The following ANKRD44 variants were observed in gnomAD, a reference collection of about 807,000 sequenced individuals.
ANKRD44 encodes ankyrin repeat domain 44, also known as serine/threonine-protein phosphatase 6 regulatory ankyrin repeat subunit B.
ANKRD44 carries 35 observed loss-of-function variants against 116.0 expected under a neutral mutation model. The observed-to-expected ratio is 0.30, with a 90% CI of 0.23 to 0.40. ANKRD44 has a LOEUF of 0.40. ANKRD44 is among the 10% of genes least tolerant of loss of function. The pLI is 1.00. For missense variants in ANKRD44, 1,014 were observed against 1,242.6 expected (o/e 0.82, Z 2.77); for synonymous variants, 435 against 461.8 (o/e 0.94, Z 0.74).
At chr2:197,086,788 C>A in intron 12 of ANKRD44, 40 bp from the exon 13 acceptor site, 1 of 1,579,136 alleles carries the variant, frequency 6.3e-7, no homozygotes, top group Non-Finnish European at 8.7e-7. Flanking sequence ...TGGAAGAGAT[C>A]AATTACTGGC....
At chr2:197,007,995 C>T (rs1205809106) in intron 19 of ANKRD44, 72 bp from the exon 20 acceptor site, 30 of 878,268 alleles carry the variant, frequency 3.4e-5, no homozygotes, top group Admixed American at 1.8e-4. Context: ...AGTAGGAAGA[C>T]ATTCTCTTTC....
In ANKRD44 at chr2:197,074,969, C is replaced by G. The variant is rs143722910; in HGVS notation, c.1650+3734G>C. ...TTTCTTCAGAGAATCCCAGAAGCTC[C>G]TAGAATATGTAAGTAGGGGCATTTG... On this transcript the variant is annotated intron_variant, in intron 16 of 27. Coordinates refer to ENST00000282272, the MANE Select transcript of ANKRD44 (RefSeq NM_001195144.2). Among the ~76,000 whole-genome samples the G allele has an allele frequency of 8.5e-3, 1,296 of 152,212 alleles. 17 individuals carry two copies. Among genetic ancestry groups the G allele is most frequent in the African/African-American group, 0.03 (1,253 of 41,526 alleles).
chr2:197,004,739 C>A (rs2076172909), intron 21 of ANKRD44, among the ~76,000 whole-genome samples: 2 of 151,950 alleles, frequency 1.3e-5, no homozygotes, highest in Non-Finnish European at 2.9e-5. Flanking sequence ...TACACAAACC[C>A]CCTTACTCAA....
At chr2:197,075,506 G>A (rs974009397) in intron 16 of ANKRD44, among the ~76,000 whole-genome samples, 4 of 152,166 alleles carry the variant, frequency 2.6e-5, no homozygotes, top group Non-Finnish European at 5.9e-5. Flanking sequence ...ATGTTTGTGG[G>A]CAGATTTTTG....
chr2:197,278,428 C>T lies in ANKRD44; in HGVS notation c.27+32150G>A, dbSNP rs565678025. Among the ~76,000 whole-genome samples the T allele has an allele frequency of 2.2e-4, 33 of 151,324 alleles. No homozygotes were observed. The South Asian group carries it at 3.3e-3, about 15-fold the overall frequency. ...CTGGAGTGCAGTGGTGTGATCTCGG[C>T]TCACTGCAACCTCCACCTCCCGGGT... On this transcript the variant is annotated intron_variant, in intron 1 of 27. Coordinates refer to ENST00000282272, the MANE Select transcript of ANKRD44 (RefSeq NM_001195144.2).
chr2:197,074,097 T>C (rs1055136474), intron 16 of ANKRD44, among the ~76,000 whole-genome samples: 4 of 152,228 alleles, frequency 2.6e-5, no homozygotes, highest in African/African-American at 9.6e-5. Context: ...TCTGAGAGGA[T>C]GCCAGTGGTA....
At chr2:197,179,757 A>G (rs2080457789) in intron 2 of ANKRD44, among the ~76,000 whole-genome samples, 1 of 152,204 alleles carries the variant, frequency 6.6e-6, no homozygotes, top group African/African-American at 2.4e-5. Flanking sequence ...AGCATCCTCC[A>G]TAGGATAATT....
intron 16 of ANKRD44, among the ~76,000 whole-genome samples, chr2:197,050,708 C>A (rs2077091100): frequency 1.3e-5 from 2 of 152,108 alleles, no homozygotes; most frequent in South Asian, 4.1e-4. Context: ...CAGGTGTGAG[C>A]CATCACGCCT....
intron 8 of ANKRD44, among the ~76,000 whole-genome samples, chr2:197,120,952 C>T (rs1337012889): frequency 4.1e-5 from 6 of 145,174 alleles, no homozygotes; most frequent in Non-Finnish European, 6.0e-5. Context: ...GTTTTTGAGA[C>T]GGAGTCTTGC....
intron 2 of ANKRD44, among the ~76,000 whole-genome samples, chr2:197,167,264 T>C (rs1261806099): frequency 6.6e-6 from 1 of 152,198 alleles, no homozygotes; most frequent in Non-Finnish European, 1.5e-5. Context: ...TTTTTATTCT[T>C]TCATAAACTT....
intron 9 of ANKRD44, among the ~76,000 whole-genome samples, chr2:197,104,494 T>C (rs2078379345): frequency 1.3e-5 from 2 of 152,210 alleles, no homozygotes. Flanking sequence ...AAAAAACTTT[T>C]GAGAAAGGCT....
At chr2:197,213,691 C>A (rs968113042) in intron 1 of ANKRD44, among the ~76,000 whole-genome samples, 7 of 152,178 alleles carry the variant, frequency 4.6e-5, no homozygotes, top group African/African-American at 1.7e-4. Flanking sequence ...CTGTACACTG[C>A]TAAGCTCCTG....
intron 1 of ANKRD44, among the ~76,000 whole-genome samples, chr2:197,252,058 G>C (rs2082329469): frequency 6.6e-6 from 1 of 152,058 alleles, no homozygotes; most frequent in Non-Finnish European, 1.5e-5. Context: ...TATCTTTTGT[G>C]TCTTTATCCT....
intron 1 of ANKRD44, among the ~76,000 whole-genome samples, chr2:197,190,730 T>G (rs963416156): frequency 6.6e-6 from 1 of 152,226 alleles, no homozygotes; most frequent in Non-Finnish European, 1.5e-5. Flanking sequence ...TTCTTGCTCA[T>G]AAGTATTAAG....
intron 8 of ANKRD44, among the ~76,000 whole-genome samples, chr2:197,112,428 G>A (rs2078603538): frequency 6.6e-6 from 1 of 152,072 alleles, no homozygotes; most frequent in Admixed American, 6.5e-5. Flanking sequence ...ATGAATTCTG[G>A]GCCAGGCGCA....
intron 16 of ANKRD44, among the ~76,000 whole-genome samples, chr2:197,054,521 G>T (rs1192676748): frequency 1.3e-5 from 2 of 152,216 alleles, no homozygotes; most frequent in Non-Finnish European, 2.9e-5. Context: ...TAAAGTGCCT[G>T]TAGAAGCACA....
At position 197,105,821 on chromosome 2, in the gene ANKRD44, A is replaced by T. The variant is rs531203570; in HGVS notation, c.985+4945T>A. On this transcript the variant is annotated intron_variant, in intron 9 of 27. Transcript: ENST00000282272. ...AGAGCAATCCAGTGTGCACGTATCC[A>T]TATCAGAGCTGCCCACGGTGGTCTG... is the stretch of plus-strand genomic sequence containing the variant. Among the ~76,000 whole-genome samples the T allele has an allele frequency of 1.2e-4, 18 of 152,284 alleles. 1 individual carries two copies. The South Asian group carries it at 1.7e-3, about 14-fold the overall frequency.
intron 16 of ANKRD44, among the ~76,000 whole-genome samples, chr2:197,063,400 C>T (rs960169927): frequency 6.6e-6 from 1 of 152,200 alleles, no homozygotes; most frequent in East Asian, 1.9e-4. Flanking sequence ...GAGCGTCTCT[C>T]CCCCTCCAAA....
chr2:197,136,292 G>A (rs903869435), intron 4 of ANKRD44: 3 of 348,036 alleles, frequency 8.6e-6, no homozygotes, highest in Non-Finnish European at 1.6e-5. Flanking sequence ...GCTTTCTCCC[G>A]CAAGTCAATG....
Sources: allele counts gnomAD v4.1 joint callset (sites outside exome capture counted in the v4.1 genomes callset), GRCh38; gene constraint gnomAD v4.1.1; transcripts MANE v1.5; gene names NCBI Gene and HGNC (gene_info 2026-07-23, HGNC 2026-07-21).